The following KCNK13 variants were observed in gnomAD, a reference collection of about 807,000 sequenced individuals.
KCNK13 encodes the protein potassium channel subfamily K member 13.
In KCNK13, 12 loss-of-function variants were observed where a neutral mutation model predicts 23.4. The observed-to-expected ratio is 0.51, with a 90% CI of 0.33 to 0.83. KCNK13 has a LOEUF of 0.83. Ranked by LOEUF, KCNK13 falls within the 40% of genes least tolerant of loss-of-function variation. The pLI is 0.02. For synonymous variants in KCNK13, 231 were observed against 229.5 expected (o/e 1.01, Z -0.06); for missense variants, 463 against 556.3 (o/e 0.83, Z 1.69).
intron 1 of KCNK13, among the ~76,000 whole-genome samples, chr14:90,084,579 G>A (rs1889251024): frequency 1.3e-5 from 2 of 152,192 alleles, no homozygotes; most frequent in African/African-American, 4.8e-5. Context: ...TCACCTGTGT[G>A]TCCAGATAGT....
intron 1 of KCNK13, among the ~76,000 whole-genome samples, chr14:90,092,200 G>T (rs949509919): frequency 6.6e-6 from 1 of 152,126 alleles, no homozygotes. Context: ...GGGATTATAG[G>T]CGTGAGCCAC....
chr14:90,102,621 A>T (rs1293834847), intron 1 of KCNK13, among the ~76,000 whole-genome samples: 1 of 152,088 alleles, frequency 6.6e-6, no homozygotes, highest in Non-Finnish European at 1.5e-5. Flanking sequence ...TCCTCCCATT[A>T]TTCCTCATAG....
intron 1 of KCNK13, among the ~76,000 whole-genome samples, chr14:90,095,124 T>C (rs578119646): frequency 6.6e-6 from 1 of 152,348 alleles, no homozygotes; most frequent in African/African-American, 2.4e-5. Context: ...TTGAAGTTCA[T>C]CTTTATGGGC....
At chr14:90,121,332 C>T (rs1408510169) in intron 1 of KCNK13, among the ~76,000 whole-genome samples, 3 of 152,184 alleles carry the variant, frequency 2.0e-5, no homozygotes, top group African/African-American at 7.2e-5. Flanking sequence ...ACTTGGCAGC[C>T]TCTGTCCTTT....
intron 1 of KCNK13, among the ~76,000 whole-genome samples, chr14:90,101,388 C>T (rs1372949134): frequency 1.3e-5 from 2 of 151,996 alleles, no homozygotes; most frequent in African/African-American, 4.8e-5. Flanking sequence ...AATACTTAGA[C>T]GAGGGGGCAG....
intron 1 of KCNK13, among the ~76,000 whole-genome samples, chr14:90,065,821 G>C (rs1301079657): frequency 6.6e-6 from 1 of 152,176 alleles, no homozygotes; most frequent in African/African-American, 2.4e-5. Flanking sequence ...ATGATAACAC[G>C]ATCCCAAGGA....
intron 1 of KCNK13, among the ~76,000 whole-genome samples, chr14:90,080,127 G>A (rs1264195646): frequency 2.6e-5 from 4 of 152,042 alleles, no homozygotes; most frequent in Admixed American, 6.6e-5. Flanking sequence ...TGAATTTAGG[G>A]AGCCGTTGGG....
At chr14:90,147,356 G>A (rs920310663) in intron 1 of KCNK13, among the ~76,000 whole-genome samples, 7 of 152,016 alleles carry the variant, frequency 4.6e-5, no homozygotes, top group African/African-American at 1.7e-4. Context: ...GGGCTCAAGC[G>A]ATCCCCCCTC....
chr14:90,113,983 A>T (rs1250726244), intron 1 of KCNK13, among the ~76,000 whole-genome samples: 1 of 152,122 alleles, frequency 6.6e-6, no homozygotes, highest in African/African-American at 2.4e-5. Context: ...ACCTAGAGGG[A>T]TGTACAAGAA....
chr14:90,069,054 T>TTTTTA (rs1889042973), intron 1 of KCNK13, among the ~76,000 whole-genome samples: 1 of 147,398 alleles, frequency 6.8e-6, no homozygotes, highest in African/African-American at 2.5e-5. Context: ...TTTTTTTTTT[T>TTTTTA]GAGACAGAGT....
At position 90,069,030 on chromosome 14, in the gene KCNK13, CTTTTTT is replaced by C. The variant is rs34881625; in HGVS notation, c.334+6510_334+6515del. 2.4e-3 allele frequency among the ~76,000 whole-genome samples: 214 copies of C among 90,098 alleles called. 2 individuals are homozygous for C. The highest frequency in any genetic ancestry group is 8.8e-3 in the African/African-American group (199 of 22,668). 59.1% of individuals were successfully genotyped at this position (90,098 alleles called of 152,430 possible). A position where few individuals can be genotyped will look rare whatever the true frequency, so the allele number is the denominator to read the frequency against. ...TAGATTCTCAACAACAGTTTTTATT[CTTTTTT>C]TTTTTTTTTTTTTTTTTTGAGACAG... On this transcript the variant is annotated intron_variant, in intron 1 of 1. Transcript: ENST00000282146.
chr14:90,118,837 A>T (rs1207954338), intron 1 of KCNK13, among the ~76,000 whole-genome samples: 1 of 152,192 alleles, frequency 6.6e-6, no homozygotes, highest in Non-Finnish European at 1.5e-5. Context: ...CATTCAAAAG[A>T]TCAACAAATC....
rs780456610 is a variant in KCNK13, at chr14:90,184,069, C to G, written c.335-42C>G. The G allele has an allele frequency of 5.1e-6, 8 of 1,570,356 alleles. No individual in the cohort carries two copies. Among genetic ancestry groups the G allele is most frequent in the African/African-American group, 1.4e-5 (1 of 73,708 alleles). On this transcript the variant is annotated intron_variant, in intron 1 of 1. Transcript: ENST00000282146. The surrounding 1 kb of genome is among the most constrained non-coding windows in gnomAD (Gnocchi z 5.6). The stretch of plus-strand genomic sequence containing the variant: ...GCCAAGACCTAGACCCCATTCACAG[C>G]AAAGATTTCTCTTACTCTTCTCTCA...
At chr14:90,148,628 G>A (rs1252470783) in intron 1 of KCNK13, among the ~76,000 whole-genome samples, 5 of 152,200 alleles carry the variant, frequency 3.3e-5, no homozygotes, top group Non-Finnish European at 5.9e-5. Context: ...CTTTGGAATA[G>A]CAGAAGCTCT....
intron 1 of KCNK13, among the ~76,000 whole-genome samples, chr14:90,170,476 C>T (rs1365087104): frequency 1.3e-5 from 2 of 152,146 alleles, no homozygotes; most frequent in African/African-American, 2.4e-5. Flanking sequence ...AGCCTCCCGA[C>T]GTGCTGGGAT....
At chr14:90,128,884 C>G (rs971917247) in intron 1 of KCNK13, among the ~76,000 whole-genome samples, 2 of 152,102 alleles carry the variant, frequency 1.3e-5, no homozygotes, top group African/African-American at 4.8e-5. Context: ...AAAATGGACA[C>G]CTTGAGCCGT....
rs377323545 is a variant in KCNK13, at chr14:90,152,310, C to T, written c.335-31801C>T. ...CAGCACTTTGGGAGGCTGAGGCAGG[C>T]GGATCACCTGAGGTCGGGAGTTCCA... On this transcript the variant is annotated intron_variant, in intron 1 of 1. Transcript: ENST00000282146. Among the ~76,000 whole-genome samples, 931 of 152,176 alleles carry T rather than the reference C, an allele frequency of 6.1e-3. 12 individuals are homozygous for T. The highest frequency in any genetic ancestry group is 0.021 in the African/African-American group (889 of 41,502).
intron 1 of KCNK13, among the ~76,000 whole-genome samples, chr14:90,144,720 A>T (rs1890054076): frequency 6.6e-6 from 1 of 151,868 alleles, no homozygotes; most frequent in Admixed American, 6.6e-5. Flanking sequence ...CAGCCTCACA[A>T]AGTGCTGGGA....
At chr14:90,118,530 C>T (rs1013527899) in intron 1 of KCNK13, among the ~76,000 whole-genome samples, 1 of 152,176 alleles carries the variant, frequency 6.6e-6, no homozygotes, top group African/African-American at 2.4e-5. Context: ...TGAGTTTCCA[C>T]CTTTTGGCTT....
Sources: gnomAD v4.1 joint callset for allele counts (sites outside exome capture counted in the v4.1 genomes callset) on GRCh38, gnomAD v4.1.1 for gene constraint, Gnocchi (gnomAD v3.1) non-coding constraint, MANE v1.5 for transcripts, NCBI Gene and HGNC (gene_info 2026-07-23, HGNC 2026-07-21) for gene names.